The following HIVEP3 variants were observed in gnomAD, a reference collection of about 807,000 sequenced individuals.
HIVEP3 encodes HIVEP zinc finger 3, also known as transcription factor HIVEP3.
HIVEP3 carries 49 observed loss-of-function variants against 152.8 expected under a neutral mutation model. That is an observed-to-expected ratio of 0.32 (90% CI 0.26 to 0.41). The LOEUF (loss-of-function observed/expected upper bound fraction) is 0.41, where lower values mean the gene tolerates loss of function less well. Ranked by LOEUF, HIVEP3 falls within the 10% of genes least tolerant of loss-of-function variation. HIVEP3 has a pLI of 1.00. For missense variants in HIVEP3, 2,790 were observed against 3,103.3 expected (o/e 0.90, Z 2.40); for synonymous variants, 1,269 against 1,289.0 (o/e 0.98, Z 0.33).
chr1:41,526,826 C>T, intron 5 of HIVEP3, among the ~76,000 whole-genome samples: 1 of 144,978 alleles, frequency 6.9e-6, no homozygotes, highest in Non-Finnish European at 1.5e-5. Flanking sequence ...CCCCCCCACA[C>T]TCCCTCACAC....
intron 2 of HIVEP3, among the ~76,000 whole-genome samples, chr1:41,639,455 T>G (rs1362482126): frequency 6.6e-6 from 1 of 152,232 alleles, no homozygotes; most frequent in Non-Finnish European, 1.5e-5. Context: ...ACCCCCTCCC[T>G]GGGTTTGCCA....
chr1:41,958,558 A>C (rs1645152604), intron 1 of HIVEP3, among the ~76,000 whole-genome samples: 1 of 152,192 alleles, frequency 6.6e-6, no homozygotes, highest in Non-Finnish European at 1.5e-5. Flanking sequence ...CGGGGGTCAC[A>C]AGCTGCAGGG....
intron 1 of HIVEP3, among the ~76,000 whole-genome samples, chr1:41,816,873 G>A (rs1289635814): frequency 6.6e-6 from 1 of 152,110 alleles, no homozygotes; most frequent in East Asian, 1.9e-4. Context: ...CTGTCCACCT[G>A]GAAAACTCGT....
At chr1:41,654,343 A>T (rs1220098388) in intron 2 of HIVEP3, among the ~76,000 whole-genome samples, 1 of 102,470 alleles carries the variant, frequency 9.8e-6, no homozygotes, top group Non-Finnish European at 2.1e-5. Context: ...GCAACTCAGG[A>T]TAGTTGCTTA....
At chr1:42,001,173 G>A (rs114606438) in intron 1 of HIVEP3, among the ~76,000 whole-genome samples, 56 of 152,088 alleles carry the variant, frequency 3.7e-4, no homozygotes, top group Admixed American at 1.1e-3. Context: ...TGGTGAGCAA[G>A]GGAACAGGAA....
intron 1 of HIVEP3, among the ~76,000 whole-genome samples, chr1:42,018,156 T>C (rs1432754795): frequency 6.6e-6 from 1 of 151,996 alleles, no homozygotes. Context: ...TAGTTATTTA[T>C]AGTATCTTCT....
intron 3 of HIVEP3, among the ~76,000 whole-genome samples, chr1:41,628,295 G>C (rs1213955759): frequency 6.6e-6 from 1 of 152,200 alleles, no homozygotes; most frequent in South Asian, 2.1e-4. Context: ...AACTCCCGTG[G>C]TGCTCCTCTG....
chr1:41,591,860 T>C (rs1313525083), intron 3 of HIVEP3, among the ~76,000 whole-genome samples: 1 of 152,092 alleles, frequency 6.6e-6, no homozygotes, highest in Non-Finnish European at 1.5e-5. Flanking sequence ...TGGGAGACAC[T>C]GACTCCCAGA....
At chr1:41,942,736 C>A (rs1324072793) in intron 1 of HIVEP3, among the ~76,000 whole-genome samples, 1 of 152,114 alleles carries the variant, frequency 6.6e-6, no homozygotes. Flanking sequence ...ATTCATAAAA[C>A]TGAGAATTAT....
intron 5 of HIVEP3, among the ~76,000 whole-genome samples, chr1:41,539,944 G>T (rs760946342): frequency 7.2e-5 from 11 of 152,222 alleles, no homozygotes; most frequent in Non-Finnish European, 1.3e-4. Flanking sequence ...TATGATGACA[G>T]TGCTGAGTAC....
intron 1 of HIVEP3, among the ~76,000 whole-genome samples, chr1:41,768,813 T>C (rs532093709): frequency 1.3e-5 from 2 of 152,370 alleles, no homozygotes; most frequent in South Asian, 2.1e-4. Flanking sequence ...AATATTTCAC[T>C]GCAAGTCTAA....
At chr1:41,883,825 C>A (rs529328817) in intron 1 of HIVEP3, among the ~76,000 whole-genome samples, 1 of 152,204 alleles carries the variant, frequency 6.6e-6, no homozygotes, top group South Asian at 2.1e-4. Context: ...TGGAAACACC[C>A]ACCCCCCAAC....
chr1:41,511,848 G>C lies in HIVEP3; in HGVS notation c.6406-582C>G, dbSNP rs1642430204. 6.6e-6 allele frequency among the ~76,000 whole-genome samples: 1 copy of C among 152,200 alleles called. No individual in the cohort carries two copies. The highest frequency in any genetic ancestry group is 1.5e-5 in the Non-Finnish European group (1 of 68,040). On this transcript the variant is annotated intron_variant, in intron 8 of 8. Transcript: ENST00000372583. This position sits in a 1 kb window ranked among gnomAD's most constrained non-coding sequence, Gnocchi z 4.9. ...GACAATGATGGTGCTATCGGTGGAG[G>C]GGTCATGGCAGCTGAGGGGACAGGG...
rs1294171170 is a variant in HIVEP3 at position 41,511,283 on chromosome 1, A to G, written c.6406-17T>C. On this transcript the variant is annotated splice_polypyrimidine_tract_variant and intron_variant, in intron 8 of 8. Transcript: ENST00000372583. The surrounding 1 kb of genome is among the most constrained non-coding windows in gnomAD (Gnocchi z 4.9). The stretch of plus-strand genomic sequence containing the variant: ...GGCCTTCTGCTGGGGTCAGAAAACA[A>G]GACAAGGTAAGGTGAAGGTTACATG... 1 of 1,570,418 alleles carries G rather than the reference A, an allele frequency of 6.4e-7. No homozygotes were observed. The highest frequency in any genetic ancestry group is 8.6e-7 in the Non-Finnish European group (1 of 1,156,922).
intron 1 of HIVEP3, chr1:41,848,295 G>A (rs891429694): frequency 3.3e-5 from 5 of 152,218 alleles, no homozygotes; most frequent in African/African-American, 1.2e-4. Flanking sequence ...TCTAAAAGCT[G>A]TTGGACTTGT....
At chr1:41,982,487 G>A (rs648373) in intron 1 of HIVEP3, among the ~76,000 whole-genome samples, 8,961 of 151,996 alleles carry the variant, frequency 0.059, 907 homozygotes, top group African/African-American at 0.2. Flanking sequence ...CTGATAAATC[G>A]TGTCCTTCAA....
At chr1:41,586,322 A>T (rs1202072853) in intron 3 of HIVEP3, among the ~76,000 whole-genome samples, 2 of 152,140 alleles carry the variant, frequency 1.3e-5, no homozygotes, top group Admixed American at 1.3e-4. Context: ...CCAAGGCTGG[A>T]GTCACCATGG....
intron 1 of HIVEP3, among the ~76,000 whole-genome samples, chr1:41,788,483 A>G (rs903533845): frequency 5.3e-5 from 8 of 152,200 alleles, no homozygotes; most frequent in Non-Finnish European, 1.0e-4. Context: ...GAGAGGCCTG[A>G]GCAGGAGAGA....
At chr1:41,538,370 G>C (rs1174871308) in intron 5 of HIVEP3, among the ~76,000 whole-genome samples, 1 of 152,156 alleles carries the variant, frequency 6.6e-6, no homozygotes, top group Non-Finnish European at 1.5e-5. Context: ...AGAAATAAGA[G>C]GGGAGAGTGG....
Sources: allele counts gnomAD v4.1 joint callset (sites outside exome capture counted in the v4.1 genomes callset), GRCh38; gene constraint gnomAD v4.1.1; non-coding constraint Gnocchi (gnomAD v3.1); transcripts MANE v1.5; gene names NCBI Gene and HGNC (gene_info 2026-07-23, HGNC 2026-07-21).